Variants in MBNL2 observed in about 807,000 individuals in gnomAD.
The protein encoded by MBNL2 is muscleblind-like protein 2.
Under a neutral mutation model 41.9 loss-of-function variants are expected in MBNL2, and 17 were observed. That is an observed-to-expected ratio of 0.41 (90% CI 0.28 to 0.61). The LOEUF is 0.61. Among genes scored for constraint, MBNL2 ranks in the 20% least tolerant of loss-of-function variants. The pLI is 0.35. For synonymous variants in MBNL2, 195 were observed against 182.9 expected (o/e 1.07, Z -0.53); for missense variants, 336 against 505.6 (o/e 0.66, Z 3.22).
intron 1 of MBNL2, among the ~76,000 whole-genome samples, chr13:97,233,777 G>A (rs2042810522): frequency 6.6e-6 from 1 of 151,944 alleles, no homozygotes; most frequent in Non-Finnish European, 1.5e-5. Flanking sequence ...CCAGCAGAGA[G>A]CTTTGGTCCT....
At chr13:97,231,475 T>C (rs1342611972) in intron 1 of MBNL2, among the ~76,000 whole-genome samples, 1 of 152,210 alleles carries the variant, frequency 6.6e-6, no homozygotes, top group Non-Finnish European at 1.5e-5. Flanking sequence ...GGATGGCTCC[T>C]TGGAGGATCT....
At chr13:97,233,145 ATATATATATATATATATATATATATATAT>A (rs959567475) in intron 1 of MBNL2, among the ~76,000 whole-genome samples, 7 of 81,828 alleles carry the variant, frequency 8.6e-5, no homozygotes, top group Non-Finnish European at 1.2e-4. Context: ...ATATATATAT[ATATATATATATATATATATATATATATAT>A]ATCTTTTTAT....
chr13:97,279,168 A>G (rs1262084272), intron 2 of MBNL2, among the ~76,000 whole-genome samples: 4 of 152,202 alleles, frequency 2.6e-5, no homozygotes, highest in South Asian at 2.1e-4. Flanking sequence ...TAAAAAGACA[A>G]TGTTGCTCAG....
At chr13:97,215,903 T>C in the MBNL2 span, among the ~76,000 whole-genome samples, 1 of 152,306 alleles carries the variant, frequency 6.6e-6, no homozygotes, top group East Asian at 1.9e-4. Flanking sequence ...TATGATGATG[T>C]TGATAATGAT....
At chr13:97,156,984 C>T in the MBNL2 span, among the ~76,000 whole-genome samples, 6 of 150,646 alleles carry the variant, frequency 4.0e-5, no homozygotes, top group Admixed American at 2.0e-4. Flanking sequence ...TTACCTTGGG[C>T]AGTATGGCCA....
At chr13:97,342,911 C>A in intron 3 of MBNL2, 105 bp from the exon 4 acceptor site, 1 of 678,754 alleles carries the variant, frequency 1.5e-6, no homozygotes, top group Non-Finnish European at 2.6e-6. Flanking sequence ...ATACAATTAA[C>A]ACAGAGTATA....
intron 3 of MBNL2, among the ~76,000 whole-genome samples, chr13:97,337,632 CT>C (rs2061001552): frequency 6.6e-6 from 1 of 152,224 alleles, no homozygotes; most frequent in African/African-American, 2.4e-5. Flanking sequence ...CACCTTTCTA[CT>C]GGCCTCACCT....
At chr13:97,356,536 C>T (rs941118681) in intron 5 of MBNL2, among the ~76,000 whole-genome samples, 2 of 152,056 alleles carry the variant, frequency 1.3e-5, no homozygotes, top group African/African-American at 4.8e-5. Flanking sequence ...ATGCTTTTAA[C>T]TAAGGTATAG....
At chr13:97,353,995 C>T (rs2062750288) in intron 5 of MBNL2, among the ~76,000 whole-genome samples, 2 of 145,980 alleles carry the variant, frequency 1.4e-5, no homozygotes, top group South Asian at 4.3e-4. Flanking sequence ...GATGTAGGCA[C>T]TTGGTTCGAT....
chr13:97,378,095 T>C (rs896489782), intron 8 of MBNL2, among the ~76,000 whole-genome samples: 50 of 152,222 alleles, frequency 3.3e-4, no homozygotes, highest in African/African-American at 1.1e-3. Context: ...TTTCAACATA[T>C]TCACATTTTG....
chr13:97,335,682 C>G (rs2060821815), intron 3 of MBNL2, among the ~76,000 whole-genome samples: 1 of 152,110 alleles, frequency 6.6e-6, no homozygotes, highest in Admixed American at 6.5e-5. Context: ...GATTCAAGCA[C>G]AGGAAATGAC....
intron 2 of MBNL2, among the ~76,000 whole-genome samples, chr13:97,296,329 T>G (rs1326486815): frequency 1.3e-5 from 2 of 152,242 alleles, no homozygotes; most frequent in Non-Finnish European, 2.9e-5. Flanking sequence ...GCATATTAAT[T>G]GGTAATTTTT....
the MBNL2 span, among the ~76,000 whole-genome samples, chr13:97,187,796 A>G: frequency 6.6e-6 from 1 of 150,436 alleles, no homozygotes; most frequent in South Asian, 2.1e-4. Flanking sequence ...AGTCCCAGCT[A>G]CTCCGGAGGC....
At chr13:97,301,074 T>C (rs930525446) in intron 2 of MBNL2, among the ~76,000 whole-genome samples, 1 of 152,172 alleles carries the variant, frequency 6.6e-6, no homozygotes, top group African/African-American at 2.4e-5. Context: ...TTAAGCTAAG[T>C]AGGACTTCAG....
At chr13:97,260,122 G>A (rs2048329064) in intron 1 of MBNL2, among the ~76,000 whole-genome samples, 1 of 152,180 alleles carries the variant, frequency 6.6e-6, no homozygotes, top group Admixed American at 6.5e-5. Flanking sequence ...AAGGAGGTAA[G>A]ACTGATGCAA....
At chr13:97,350,741 C>T (rs1420603822) in intron 5 of MBNL2, among the ~76,000 whole-genome samples, 1 of 152,202 alleles carries the variant, frequency 6.6e-6, no homozygotes, top group Non-Finnish European at 1.5e-5. Context: ...TCTTCAGGCT[C>T]GACTTCTATT....
chr13:97,156,543 TC>T, the MBNL2 span, among the ~76,000 whole-genome samples: 1 of 138,128 alleles, frequency 7.2e-6, no homozygotes, highest in Non-Finnish European at 1.5e-5. Flanking sequence ...AACGTTTAAG[TC>T]TTTAATCCAT....
intron 5 of MBNL2, among the ~76,000 whole-genome samples, chr13:97,355,865 T>C (rs1393220257): frequency 6.6e-6 from 1 of 152,234 alleles, no homozygotes; most frequent in Non-Finnish European, 1.5e-5. Flanking sequence ...TCACTGATTG[T>C]AGCTAAAAGT....
chr13:97,159,572 G>A, the MBNL2 span, among the ~76,000 whole-genome samples: 2 of 152,036 alleles, frequency 1.3e-5, no homozygotes, highest in East Asian at 1.9e-4. Context: ...TCCTTCAGGA[G>A]CTCTTTTAGG....
Sources: allele counts gnomAD v4.1 joint callset (sites outside exome capture counted in the v4.1 genomes callset), GRCh38; gene constraint gnomAD v4.1.1; transcripts MANE v1.5; gene names NCBI Gene and HGNC (gene_info 2026-07-23, HGNC 2026-07-21).